The following RIMS2 variants were observed in gnomAD, a reference collection of about 807,000 sequenced individuals.
RIMS2 encodes regulating synaptic membrane exocytosis 2, also known as regulating synaptic membrane exocytosis protein 2.
Under a neutral mutation model 174.4 loss-of-function variants are expected in RIMS2, and 59 were observed. The ratio of observed to expected loss-of-function variants is 0.34; its 90% CI spans 0.27 to 0.42. The LOEUF (loss-of-function observed/expected upper bound fraction) is 0.42, where lower values mean the gene tolerates loss of function less well. RIMS2 is among the 10% of genes least tolerant of loss of function. The pLI, the probability that RIMS2 is intolerant of heterozygous loss-of-function variation, is 1.00. For synonymous variants in RIMS2, 606 were observed against 572.5 expected (o/e 1.06, Z -0.84); for missense variants, 1,620 against 1,666.3 (o/e 0.97, Z 0.48).
At chr8:103,920,819 C>T (rs765955624) in intron 9 of RIMS2, 4 of 342,272 alleles carry the variant, frequency 1.2e-5, no homozygotes, top group South Asian at 8.6e-5. Context: ...GAAACCCCGT[C>T]TCTACTAAAA....
chr8:103,534,666 A>T (rs1463721777), intron 1 of RIMS2, among the ~76,000 whole-genome samples: 3 of 152,220 alleles, frequency 2.0e-5, no homozygotes, highest in Non-Finnish European at 1.5e-5. Flanking sequence ...ATTGATTTGG[A>T]TCATTTGGAA....
At chr8:103,755,242 T>C (rs931013771) in intron 2 of RIMS2, among the ~76,000 whole-genome samples, 2 of 152,240 alleles carry the variant, frequency 1.3e-5, no homozygotes, top group Non-Finnish European at 1.5e-5. Context: ...TCTTTATGAA[T>C]GTTGAATATT....
intron 3 of RIMS2, among the ~76,000 whole-genome samples, chr8:103,769,309 T>A (rs1457410002): frequency 6.6e-6 from 1 of 152,090 alleles, no homozygotes; most frequent in Admixed American, 6.6e-5. Flanking sequence ...CTATCTGTAA[T>A]CTTTGTTTTT....
chr8:103,900,813 A>G (rs1026641203), intron 4 of RIMS2, among the ~76,000 whole-genome samples: 5 of 152,138 alleles, frequency 3.3e-5, no homozygotes, highest in African/African-American at 9.6e-5. Context: ...TTTCAGTCAC[A>G]GGATTCCATG....
At chr8:103,787,290 A>T (rs1278841619) in intron 3 of RIMS2, among the ~76,000 whole-genome samples, 1 of 151,316 alleles carries the variant, frequency 6.6e-6, no homozygotes, top group Admixed American at 6.6e-5. Flanking sequence ...TAATATTGTT[A>T]TGTGTGAATC....
rs778061023 is a variant in RIMS2, at chr8:103,885,868, T to C, written c.1269T>C (p.Ser423=). 5.6e-6 allele frequency: 9 copies of C among 1,612,898 alleles called. No homozygotes were observed. In the South Asian group the frequency reaches 9.9e-5, roughly 18 times the overall value. The change falls in exon 4 of 24, where the codon TCT becomes TCC. Residue 423 remains serine, a synonymous_variant. Transcript: ENST00000504942. ...CTCGAGAGGCTCAGGGACCAAGTTC[T>C]TATGCACAAAGGACCACAAACCATA...
chr8:103,505,982 A>G (rs1412869540), intron 1 of RIMS2, among the ~76,000 whole-genome samples: 1 of 152,076 alleles, frequency 6.6e-6, no homozygotes, highest in Non-Finnish European at 1.5e-5. Flanking sequence ...AAAAAAATTG[A>G]ATTTATTGTA....
Position 104,207,203 on chromosome 8 carries a change from C to T in RIMS2, c.3335-37713C>T, listed in dbSNP as rs568634039. On this transcript the variant is annotated intron_variant, in intron 19 of 23. Transcript: ENST00000504942. ...TAAGATGACTAATATCTAGGCCTAC[C>T]TATTTCTGCTACGCCCAGCCCATTT... Among the ~76,000 whole-genome samples, 3 of 152,234 alleles carry T rather than the reference C, an allele frequency of 2.0e-5. No individual in the cohort carries two copies. The South Asian group carries it at 6.2e-4, about 32-fold the overall frequency.
intron 1 of RIMS2, among the ~76,000 whole-genome samples, chr8:103,527,039 C>T (rs956182768): frequency 6.6e-6 from 1 of 152,160 alleles, no homozygotes; most frequent in African/African-American, 2.4e-5. Flanking sequence ...TTCAAAGTAT[C>T]TCCAATAATG....
intron 1 of RIMS2, among the ~76,000 whole-genome samples, chr8:103,615,504 C>T (rs1418572605): frequency 6.6e-6 from 1 of 151,870 alleles, no homozygotes; most frequent in Non-Finnish European, 1.5e-5. Context: ...CCAAAGCTAG[C>T]AGAAGATGAG....
At chr8:104,051,885 G>A (rs1241233569) in intron 19 of RIMS2, among the ~76,000 whole-genome samples, 1 of 152,120 alleles carries the variant, frequency 6.6e-6, no homozygotes, top group African/African-American at 2.4e-5. Context: ...CAATTCCTGG[G>A]ATATACAGAG....
intron 3 of RIMS2, among the ~76,000 whole-genome samples, chr8:103,879,264 G>C (rs1438413871): frequency 6.6e-6 from 1 of 151,450 alleles, no homozygotes; most frequent in African/African-American, 2.4e-5. Context: ...ATTGGCACCA[G>C]AGTGTGCATT....
intron 1 of RIMS2, among the ~76,000 whole-genome samples, chr8:103,653,612 C>G (rs940092822): frequency 6.6e-6 from 1 of 152,108 alleles, no homozygotes; most frequent in African/African-American, 2.4e-5. Flanking sequence ...TATGATGAAA[C>G]ACTCAGAAAA....
At chr8:103,649,648 C>CTTTTTTT (rs71575979) in intron 1 of RIMS2, among the ~76,000 whole-genome samples, 4 of 143,398 alleles carry the variant, frequency 2.8e-5, no homozygotes, top group Non-Finnish European at 6.1e-5. Context: ...CCTTTTCATT[C>CTTTTTTT]TTTTTTTTTT....
chr8:103,645,741 G>T (rs943558944), intron 1 of RIMS2, among the ~76,000 whole-genome samples: 19 of 151,976 alleles, frequency 1.3e-4, no homozygotes, highest in South Asian at 2.1e-4. Context: ...TCTATATTGG[G>T]CCAGTCTCCC....
intron 1 of RIMS2, among the ~76,000 whole-genome samples, chr8:103,522,980 C>A (rs1031837392): frequency 7.2e-5 from 11 of 152,066 alleles, no homozygotes; most frequent in Admixed American, 2.0e-4. Context: ...TGAAGGGGTA[C>A]AATGACAGGG....
At chr8:103,534,281 C>G (rs141584831) in intron 1 of RIMS2, among the ~76,000 whole-genome samples, 1 of 152,172 alleles carries the variant, frequency 6.6e-6, no homozygotes, top group East Asian at 1.9e-4. Context: ...TAGTGAGCTC[C>G]TCATTCCCAC....
chr8:103,712,152 C>A (rs775432222), intron 2 of RIMS2, among the ~76,000 whole-genome samples: 38 of 149,374 alleles, frequency 2.5e-4, no homozygotes, highest in Non-Finnish European at 3.7e-4. Context: ...CCGCCTCACC[C>A]GCTTAATTTT....
intron 19 of RIMS2, among the ~76,000 whole-genome samples, chr8:104,032,432 G>A (rs1278567528): frequency 6.6e-6 from 1 of 151,856 alleles, no homozygotes; most frequent in African/African-American, 2.4e-5. Context: ...ATTTTTTTGT[G>A]TGAAAATCAG....
Sources: allele counts gnomAD v4.1 joint callset (sites outside exome capture counted in the v4.1 genomes callset), GRCh38; gene constraint gnomAD v4.1.1; transcripts MANE v1.5; gene names NCBI Gene and HGNC (gene_info 2026-07-23, HGNC 2026-07-21).